Variants in DGKI observed in about 807,000 individuals in gnomAD.
DGKI encodes the protein diacylglycerol kinase iota, also known as DAG kinase iota.
DGKI carries 55 observed loss-of-function variants against 147.5 expected under a neutral mutation model. The observed-to-expected ratio is 0.37, with a 90% CI of 0.30 to 0.47. The LOEUF (loss-of-function observed/expected upper bound fraction) is 0.47, where lower values mean the gene tolerates loss of function less well. DGKI is among the 20% of genes least tolerant of loss of function. The probability of loss-of-function intolerance (pLI) is 1.00; values close to 1 mark genes in which losing one functional copy is unlikely to be tolerated. For synonymous variants in DGKI, 469 were observed against 477.1 expected (o/e 0.98, Z 0.22); for missense variants, 1,007 against 1,323.8 (o/e 0.76, Z 3.71).
intron 3 of DGKI, among the ~76,000 whole-genome samples, chr7:137,665,930 G>T (rs754865104): frequency 1.2e-4 from 18 of 152,260 alleles, no homozygotes; most frequent in Admixed American, 4.6e-4. Context: ...CAGCCAATCG[G>T]GGCTCATAGG....
chr7:137,513,292 T>C (rs891194982), intron 21 of DGKI, among the ~76,000 whole-genome samples: 4 of 152,128 alleles, frequency 2.6e-5, no homozygotes, highest in Non-Finnish European at 4.4e-5. Flanking sequence ...CCCACAACCT[T>C]CTATTGCTCA....
intron 1 of DGKI, among the ~76,000 whole-genome samples, chr7:137,814,284 G>A (rs554400281): frequency 5.3e-5 from 8 of 152,216 alleles, no homozygotes; most frequent in South Asian, 2.1e-4. Flanking sequence ...ATGGAACACC[G>A]TCATGTGTTC....
intron 6 of DGKI, among the ~76,000 whole-genome samples, chr7:137,642,259 A>T (rs560235394): frequency 6.7e-6 from 1 of 150,268 alleles, no homozygotes; most frequent in African/African-American, 2.5e-5. Flanking sequence ...GAACATGAAG[A>T]TATGTGGAGC....
chr7:137,585,991 C>T (rs1019264988), intron 13 of DGKI, among the ~76,000 whole-genome samples: 4 of 152,160 alleles, frequency 2.6e-5, no homozygotes, highest in South Asian at 4.1e-4. Flanking sequence ...CATGTAAATA[C>T]GTTTTTTATT....
In DGKI at chr7:137,846,161, TCACACACACACACACACA is replaced by T. The variant is rs58484819; in HGVS notation, c.401+283_401+300del. Among the ~76,000 whole-genome samples, 3 of 108,184 alleles carry T rather than the reference TCACACACACACACACACA, an allele frequency of 2.8e-5. No homozygotes were observed. Among genetic ancestry groups the T allele is most frequent in the African/African-American group, 7.7e-5 (2 of 25,932 alleles). 71.0% of individuals were successfully genotyped at this position (108,184 alleles called of 152,430 possible). On this transcript the variant is annotated intron_variant, in intron 1 of 32. Coordinates refer to ENST00000614521, the MANE Select transcript of DGKI (RefSeq NM_001321708.2). This position sits in a 1 kb window ranked among gnomAD's most constrained non-coding sequence, Gnocchi z 4.0. ...CTCTCTCTCTCTCTCTCTCTCTCTC[TCACACACACACACACACA>T]CACACACACACACACACACACACAG...
Position 137,390,160 on chromosome 7 carries a change from T to C in DGKI, c.*1060A>G, listed in dbSNP as rs769697522. ...TATTTCAGTGACATATGTTGACATA[T>C]GTTGCTACTTTTGCTTTTGCTGTTT... On this transcript the variant is annotated 3_prime_UTR_variant, in exon 33 of 33. Coordinates refer to ENST00000614521, the MANE Select transcript of DGKI (RefSeq NM_001321708.2). The C allele has an allele frequency of 6.6e-6, 1 of 152,214 alleles. No homozygotes were observed. Among genetic ancestry groups the C allele is most frequent in the African/African-American group, 2.4e-5 (1 of 41,462 alleles). 9.4% of individuals were successfully genotyped at this position (152,214 alleles called of 1,614,324 possible). A position where few individuals can be genotyped will look rare whatever the true frequency, so the allele number is the denominator to read the frequency against.
At chr7:137,633,916 G>T (rs1821222535) in intron 6 of DGKI, among the ~76,000 whole-genome samples, 1 of 152,136 alleles carries the variant, frequency 6.6e-6, no homozygotes, top group African/African-American at 2.4e-5. Flanking sequence ...AACATCATTT[G>T]GTCCACCATA....
At position 137,792,754 on chromosome 7, in the gene DGKI, G is replaced by C. The variant is rs139207356; in HGVS notation, c.401+53708C>G. On this transcript the variant is annotated intron_variant, in intron 1 of 32. Transcript: ENST00000614521. ...ACTCTATTAGTTCACATGGGAGCTG[G>C]TTGTTTAAAGGAACTTGGCATCTCC... Among the ~76,000 whole-genome samples the C allele has an allele frequency of 6.7e-4, 102 of 152,266 alleles. 1 individual carries two copies. The East Asian group carries it at 0.018, about 26-fold the overall frequency.
At chr7:137,574,175 C>T (rs907190365) in intron 17 of DGKI, among the ~76,000 whole-genome samples, 1 of 152,152 alleles carries the variant, frequency 6.6e-6, no homozygotes, top group African/African-American at 2.4e-5. Context: ...TCCATACAGC[C>T]TAATTTTCAT....
At chr7:137,440,293 A>G (rs1046725049) in intron 28 of DGKI, among the ~76,000 whole-genome samples, 2 of 152,246 alleles carry the variant, frequency 1.3e-5, no homozygotes, top group Non-Finnish European at 2.9e-5. Flanking sequence ...GGTTTCCCTG[A>G]AACTTCAGTT....
At chr7:137,823,268 T>G (rs1797958243) in intron 1 of DGKI, among the ~76,000 whole-genome samples, 1 of 152,176 alleles carries the variant, frequency 6.6e-6, no homozygotes, top group Admixed American at 6.5e-5. Context: ...TAGAATGGAA[T>G]TTTTCTCAGC....
chr7:137,705,443 G>A (rs1203590192), intron 1 of DGKI, among the ~76,000 whole-genome samples: 1 of 151,886 alleles, frequency 6.6e-6, no homozygotes, highest in Non-Finnish European at 1.5e-5. Context: ...TCTCAGAAAC[G>A]TTATTCTGAG....
chr7:137,691,274 A>G (rs1269283886), intron 1 of DGKI, among the ~76,000 whole-genome samples: 1 of 152,196 alleles, frequency 6.6e-6, no homozygotes, highest in African/African-American at 2.4e-5. Context: ...AGAAAACATC[A>G]GCAATTGCAT....
chr7:137,699,713 A>G (rs1823911881), intron 1 of DGKI, among the ~76,000 whole-genome samples: 1 of 152,218 alleles, frequency 6.6e-6, no homozygotes, highest in Admixed American at 6.5e-5. Context: ...TGTTCCCAGT[A>G]AAACTGACAA....
intron 1 of DGKI, among the ~76,000 whole-genome samples, chr7:137,766,377 T>C (rs1796014403): frequency 6.6e-6 from 1 of 152,206 alleles, no homozygotes; most frequent in South Asian, 2.1e-4. Flanking sequence ...ATTAAGTTTT[T>C]TTAAAAAGTA....
chr7:137,455,667 A>C, intron 27 of DGKI, among the ~76,000 whole-genome samples: 1 of 147,644 alleles, frequency 6.8e-6, no homozygotes. Flanking sequence ...TGTGGTCTCC[A>C]TCTCCCTGAA....
intron 19 of DGKI, among the ~76,000 whole-genome samples, chr7:137,557,761 C>A (rs1298391319): frequency 6.6e-6 from 1 of 152,162 alleles, no homozygotes; most frequent in Non-Finnish European, 1.5e-5. Flanking sequence ...CTCACTGAGG[C>A]TCCAACTCTC....
chr7:137,747,569 C>G (rs117856195), intron 1 of DGKI, among the ~76,000 whole-genome samples: 1 of 152,176 alleles, frequency 6.6e-6, no homozygotes, highest in Non-Finnish European at 1.5e-5. Flanking sequence ...AATTCTGTAA[C>G]GGGGTCTTTG....
At chr7:137,546,547 A>G (rs1817873061) in intron 20 of DGKI, among the ~76,000 whole-genome samples, 1 of 152,238 alleles carries the variant, frequency 6.6e-6, no homozygotes, top group Admixed American at 6.5e-5. Flanking sequence ...AAGAAAGTCT[A>G]ATTGTATCAC....
Sources: gnomAD v4.1 joint callset for allele counts (sites outside exome capture counted in the v4.1 genomes callset) on GRCh38, gnomAD v4.1.1 for gene constraint, Gnocchi (gnomAD v3.1) non-coding constraint, MANE v1.5 for transcripts, NCBI Gene and HGNC (gene_info 2026-07-23, HGNC 2026-07-21) for gene names.